ITGBL1: variants seen among roughly 807,000 people sequenced by gnomAD.
ITGBL1 encodes the protein integrin beta-like protein 1.
ITGBL1 carries 51 observed loss-of-function variants against 68.5 expected under a neutral mutation model. The observed-to-expected ratio is 0.74, with a 90% CI of 0.59 to 0.94. The LOEUF is 0.94. Among genes scored for constraint, ITGBL1 ranks in the 40% least tolerant of loss-of-function variants. ITGBL1 has a pLI of 0.00. For synonymous variants in ITGBL1, 209 were observed against 227.3 expected (o/e 0.92, Z 0.72); for missense variants, 649 against 647.4 (o/e 1.00, Z -0.03).
chr13:101,481,161 TGA>T (rs568328125), intron 2 of ITGBL1, among the ~76,000 whole-genome samples: 1 of 145,670 alleles, frequency 6.9e-6, no homozygotes, highest in Admixed American at 7.1e-5. Flanking sequence ...TATATATATA[TGA>T]GAGAGAGCAT....
At chr13:101,704,455 T>C (rs962744913) in intron 8 of ITGBL1, among the ~76,000 whole-genome samples, 1 of 135,936 alleles carries the variant, frequency 7.4e-6, no homozygotes, top group African/African-American at 2.8e-5. Flanking sequence ...AGATAAACAT[T>C]GGGTGAATAC....
chr13:101,604,880 A>ATGTG (rs1210000989), intron 7 of ITGBL1, among the ~76,000 whole-genome samples: 2 of 62,472 alleles, frequency 3.2e-5, no homozygotes, highest in African/African-American at 1.1e-4. Context: ...ATATATATAT[A>ATGTG]TATATATACA....
intron 7 of ITGBL1, among the ~76,000 whole-genome samples, chr13:101,641,392 T>C (rs2032361812): frequency 6.6e-6 from 1 of 152,072 alleles, no homozygotes; most frequent in African/African-American, 2.4e-5. Flanking sequence ...TTGGTCTATA[T>C]AGAAAAGGAG....
rs1016165865 is a variant in ITGBL1 at position 101,594,953 on chromosome 13, A to G, written c.869-3200A>G. On this transcript the variant is annotated intron_variant, in intron 6 of 10. Coordinates refer to ENST00000376180, the MANE Select transcript of ITGBL1 (RefSeq NM_004791.3). The stretch of plus-strand genomic sequence containing the variant: ...GCCGGGCGTGTTGACGCACACCTGT[A>G]GTCCCAACTACTGGGGAGGGTAAGA... 3.9e-5 allele frequency among the ~76,000 whole-genome samples: 6 copies of G among 152,334 alleles called. No homozygotes were observed. In the East Asian group the frequency reaches 1.2e-3, roughly 29 times the overall value.
intron 8 of ITGBL1, among the ~76,000 whole-genome samples, chr13:101,697,229 A>G (rs1050252838): frequency 2.0e-5 from 3 of 152,030 alleles, no homozygotes; most frequent in African/African-American, 7.2e-5. Context: ...TTTTGCTTTC[A>G]AAATTAAAAA....
intron 7 of ITGBL1, among the ~76,000 whole-genome samples, chr13:101,628,493 C>A (rs1172156404): frequency 6.6e-6 from 1 of 150,920 alleles, no homozygotes; most frequent in African/African-American, 2.4e-5. Context: ...AGTGCAGTGG[C>A]ATGATCTCAG....
chr13:101,653,779 C>T (rs1412017184), intron 7 of ITGBL1, among the ~76,000 whole-genome samples: 2 of 151,738 alleles, frequency 1.3e-5, no homozygotes, highest in Non-Finnish European at 2.9e-5. Flanking sequence ...ACCTCTGCCT[C>T]CTGGGTTTAA....
At chr13:101,569,969 T>G (rs2050246901) in intron 3 of ITGBL1, among the ~76,000 whole-genome samples, 2 of 152,114 alleles carry the variant, frequency 1.3e-5, no homozygotes, top group African/African-American at 4.8e-5. Context: ...CTCACTAAAA[T>G]TACCCCAGAT....
At chr13:101,533,303 G>A (rs1397974341) in intron 2 of ITGBL1, among the ~76,000 whole-genome samples, 2 of 152,162 alleles carry the variant, frequency 1.3e-5, no homozygotes, top group South Asian at 2.1e-4. Flanking sequence ...TCATGCTGCA[G>A]TAACAACATT....
At chr13:101,621,786 T>G (rs2031594369) in intron 7 of ITGBL1, among the ~76,000 whole-genome samples, 1 of 152,114 alleles carries the variant, frequency 6.6e-6, no homozygotes, top group Admixed American at 6.6e-5. Flanking sequence ...CAAAAGGGAA[T>G]GAGACTGTTG....
At chr13:101,461,733 C>T (rs917064968) in intron 2 of ITGBL1, among the ~76,000 whole-genome samples, 17 of 152,150 alleles carry the variant, frequency 1.1e-4, no homozygotes, top group Admixed American at 1.0e-3. Flanking sequence ...AGCAGAGAGC[C>T]CCGTTATCAT....
intron 7 of ITGBL1, among the ~76,000 whole-genome samples, chr13:101,682,135 C>A (rs1432155852): frequency 6.6e-6 from 1 of 152,110 alleles, no homozygotes; most frequent in Non-Finnish European, 1.5e-5. Context: ...CTTTCCATTT[C>A]TTCTCTTACC....
At chr13:101,566,551 C>T (rs1251913525) in intron 2 of ITGBL1, among the ~76,000 whole-genome samples, 1 of 152,084 alleles carries the variant, frequency 6.6e-6, no homozygotes, top group East Asian at 1.9e-4. Flanking sequence ...ATGGACTGGT[C>T]CACATAAAGA....
intron 3 of ITGBL1, among the ~76,000 whole-genome samples, chr13:101,571,019 A>G (rs896439813): frequency 3.4e-4 from 52 of 152,158 alleles, no homozygotes; most frequent in African/African-American, 1.1e-3. Flanking sequence ...ATACTTGCAC[A>G]CAGATATGCA....
At chr13:101,462,243 G>A (rs2048327638) in intron 2 of ITGBL1, among the ~76,000 whole-genome samples, 1 of 152,094 alleles carries the variant, frequency 6.6e-6, no homozygotes, top group South Asian at 2.1e-4. Flanking sequence ...CACTTTTAAG[G>A]TGTATTTTAA....
intron 7 of ITGBL1, among the ~76,000 whole-genome samples, chr13:101,618,808 G>A (rs1482720846): frequency 6.6e-6 from 1 of 152,122 alleles, no homozygotes; most frequent in Non-Finnish European, 1.5e-5. Flanking sequence ...GTTTTACTAT[G>A]CTCTGACCAA....
chr13:101,573,761 TACTC>T (rs2050310400), intron 3 of ITGBL1, among the ~76,000 whole-genome samples: 1 of 152,176 alleles, frequency 6.6e-6, no homozygotes, highest in Admixed American at 6.6e-5. Context: ...AGCTCTACCT[TACTC>T]ACAAGTTCAT....
At chr13:101,643,962 G>A (rs1012683602) in intron 7 of ITGBL1, among the ~76,000 whole-genome samples, 4 of 152,124 alleles carry the variant, frequency 2.6e-5, no homozygotes, top group Admixed American at 6.6e-5. Context: ...CCCACACAAC[G>A]TTAGCTCCAT....
At chr13:101,499,850 G>A (rs868842616) in intron 2 of ITGBL1, among the ~76,000 whole-genome samples, 4 of 152,228 alleles carry the variant, frequency 2.6e-5, no homozygotes, top group African/African-American at 7.2e-5. Flanking sequence ...TTAGATGCCT[G>A]TGTCCCCTAA....
Sources: gnomAD v4.1 joint callset for allele counts (sites outside exome capture counted in the v4.1 genomes callset) on GRCh38, gnomAD v4.1.1 for gene constraint, MANE v1.5 for transcripts, NCBI Gene and HGNC (gene_info 2026-07-23, HGNC 2026-07-21) for gene names.